Variants in MYO18B observed in about 807,000 individuals in gnomAD.
MYO18B encodes unconventional myosin-XVIIIb.
MYO18B carries 204 observed loss-of-function variants against 273.0 expected under a neutral mutation model. That is an observed-to-expected ratio of 0.75 (90% CI 0.67 to 0.84). MYO18B has a LOEUF of 0.84. Among genes scored for constraint, MYO18B ranks in the 40% least tolerant of loss-of-function variants. The probability of loss-of-function intolerance (pLI) is 0.00; values close to 1 mark genes in which losing one functional copy is unlikely to be tolerated. For synonymous variants in MYO18B, 1,330 were observed against 1,305.7 expected, an observed-to-expected ratio of 1.02 and a Z score of -0.40; for missense variants, 3,212 against 3,287.6, an observed-to-expected ratio of 0.98 and a Z score of 0.56.
intron 12 of MYO18B, among the ~76,000 whole-genome samples, chr22:25,801,098 A>G (rs2088172701): frequency 6.6e-6 from 1 of 152,242 alleles, no homozygotes; most frequent in African/African-American, 2.4e-5. Flanking sequence ...GTGTCATAAC[A>G]GATCATTTTG....
At chr22:25,784,916 C>G (rs8135105) in intron 10 of MYO18B, among the ~76,000 whole-genome samples, 80,161 of 152,064 alleles carry the variant, frequency 0.53, 22,115 homozygotes, top group East Asian at 0.61. Flanking sequence ...AGTCTGGGCT[C>G]GAGGGGCCAA....
chr22:25,988,376 G>C (rs2093224896), intron 39 of MYO18B, among the ~76,000 whole-genome samples: 1 of 152,124 alleles, frequency 6.6e-6, no homozygotes, highest in Admixed American at 6.5e-5. Context: ...TGCGCCCACT[G>C]AGTCTGATGC....
At chr22:25,833,198 A>G (rs1272937859) in intron 16 of MYO18B, among the ~76,000 whole-genome samples, 1 of 152,182 alleles carries the variant, frequency 6.6e-6, no homozygotes, top group Non-Finnish European at 1.5e-5. Flanking sequence ...GAACAGTGGA[A>G]ATTTAAGCAT....
chr22:26,006,556 G>GT (rs1934436350), intron 42 of MYO18B: 1 of 201,742 alleles, frequency 5.0e-6, no homozygotes, highest in Admixed American at 5.2e-5. Flanking sequence ...TAAAGTCAAC[G>GT]TTTTTAGAAC....
chr22:26,007,479 A>G (rs556159544), intron 42 of MYO18B, among the ~76,000 whole-genome samples: 3 of 152,306 alleles, frequency 2.0e-5, no homozygotes, highest in African/African-American at 7.2e-5. Context: ...CACCTGGTAA[A>G]GTTTACTGGA....
intron 1 of MYO18B, among the ~76,000 whole-genome samples, chr22:25,751,966 A>G (rs1463496576): frequency 1.3e-5 from 2 of 152,172 alleles, no homozygotes; most frequent in Non-Finnish European, 2.9e-5. Flanking sequence ...CTGCACGGCT[A>G]GGAAAACTGA....
chr22:25,878,048 G>A lies in MYO18B; in HGVS notation c.4314G>A (p.Lys1438=). The stretch of plus-strand genomic sequence containing the variant: ...AGAACACAGATCTGCTAGAAAGCAA[G>A]GTATCCCCATCCCTCCTCTTGGGTC... ...LRQNTDLLES[K]IADLTSDLAD... The change falls in exon 25 of 44, where the codon AAG becomes AAA. Residue 1438 remains lysine (K), a splice_region_variant and synonymous_variant. Coordinates refer to ENST00000335473, the MANE Select transcript of MYO18B (RefSeq NM_032608.7). 6.3e-7 allele frequency: 1 copy of A among 1,575,926 alleles called. No homozygotes were observed. The highest frequency in any genetic ancestry group is 8.6e-7 in the Non-Finnish European group (1 of 1,160,248).
At chr22:25,763,136 C>T (rs1206443338) in intron 2 of MYO18B, 95 bp from the exon 3 acceptor site, 40 of 1,455,900 alleles carry the variant, frequency 2.7e-5, no homozygotes, top group South Asian at 8.0e-5. Flanking sequence ...ATGTCTCCTC[C>T]GCCCCCTCCC....
intron 11 of MYO18B, among the ~76,000 whole-genome samples, chr22:25,789,573 C>T (rs181440627): frequency 3.5e-4 from 53 of 151,492 alleles, no homozygotes; most frequent in Admixed American, 5.9e-4. Context: ...GAGGCAGAGG[C>T]TGCAGTGAGC....
In MYO18B at chr22:26,027,326, C is replaced by G; in HGVS notation, c.7352C>G (p.Pro2451Arg). Residue 2451 changes from proline (P) to arginine (R), a missense_variant, in exon 43 of 44, where the codon CCC becomes CGC. Physicochemically the swap from Pro to Arg is moderately radical, Grantham distance 103. Transcript: ENST00000335473. The surrounding 1 kb of genome is among the most constrained non-coding windows in gnomAD (Gnocchi z 4.1). ...GACTTCCTCCCAGCTATCCGGAAGCCCCAGACACCTACCTCCTTGGCTGGA... is the reference window on the plus strand; with the variant it reads ...GACTTCCTCCCAGCTATCCGGAAGCGCCAGACACCTACCTCCTTGGCTGGA... Reference protein sequence around the residue: ...FDDFLPAIRKPQTPTSLAGSA... With the variant: ...FDDFLPAIRKRQTPTSLAGSA... 6.2e-7 allele frequency: 1 copy of G among 1,613,984 alleles called. No homozygotes were observed. Among genetic ancestry groups the G allele is most frequent in the Non-Finnish European group, 8.5e-7 (1 of 1,179,888 alleles).
intron 1 of MYO18B, among the ~76,000 whole-genome samples, chr22:25,757,685 C>G (rs912509084): frequency 3.3e-5 from 5 of 152,068 alleles, no homozygotes; most frequent in African/African-American, 1.2e-4. Flanking sequence ...GTCAGTGAAG[C>G]ACATTGCTCA....
Position 25,894,956 on chromosome 22 carries a change from C to G in MYO18B, c.4544-200C>G, listed in dbSNP as rs2091761390. On this transcript the variant is annotated intron_variant, in intron 27 of 43. Coordinates refer to ENST00000335473, the MANE Select transcript of MYO18B (RefSeq NM_032608.7). ...AGAACTTTAGACAGTTGGAGGTGGT[C>G]AGGACAGGCTGCCTGGAGGAAGCGT... The G allele has an allele frequency of 3.1e-5, 18 of 589,706 alleles. 1 individual carries two copies. The South Asian group carries it at 3.8e-4, about 12-fold the overall frequency. The allele number at this position is 589,706 out of a possible 1,614,324, so 36.5% of individuals were successfully genotyped here.
intron 14 of MYO18B, among the ~76,000 whole-genome samples, chr22:25,827,711 C>T (rs1369064231): frequency 6.6e-6 from 1 of 152,148 alleles, no homozygotes; most frequent in African/African-American, 2.4e-5. Context: ...GACATATTAT[C>T]TAGAAACCAA....
intron 1 of MYO18B, among the ~76,000 whole-genome samples, chr22:25,744,068 G>A (rs2085704997): frequency 6.6e-6 from 1 of 152,174 alleles, no homozygotes; most frequent in Non-Finnish European, 1.5e-5. Flanking sequence ...TTTCACTTGA[G>A]CTAACAAAAC....
intron 17 of MYO18B, among the ~76,000 whole-genome samples, chr22:25,838,899 ATATGTG>A (rs886681108): frequency 1.3e-5 from 2 of 151,718 alleles, no homozygotes; most frequent in African/African-American, 4.8e-5. Flanking sequence ...ATCTGTGTCT[ATATGTG>A]TATGTGTATA....
chr22:25,810,247 A>G (rs1056601541), intron 12 of MYO18B, among the ~76,000 whole-genome samples: 1 of 150,246 alleles, frequency 6.7e-6, no homozygotes, highest in African/African-American at 2.5e-5. Flanking sequence ...ACAGGCGCCC[A>G]CCACCATGCC....
intron 25 of MYO18B, among the ~76,000 whole-genome samples, chr22:25,884,404 C>T (rs192171221): frequency 1.7e-4 from 26 of 152,240 alleles, no homozygotes; most frequent in East Asian, 1.5e-3. Flanking sequence ...CCCTAATCCC[C>T]GGGGGAAATT....
In MYO18B at chr22:25,805,379, A is replaced by T. The variant is rs372099695; in HGVS notation, c.2521+7282A>T. Among the ~76,000 whole-genome samples the T allele has an allele frequency of 2.6e-5, 4 of 152,158 alleles. No individual in the cohort carries two copies. The East Asian group carries it at 5.8e-4, about 22-fold the overall frequency. On this transcript the variant is annotated intron_variant, in intron 12 of 43. Coordinates refer to ENST00000335473, the MANE Select transcript of MYO18B (RefSeq NM_032608.7). The stretch of plus-strand genomic sequence containing the variant: ...TGCAAAAAGGATGGTCAAAGGACAA[A>T]TGTTCCCTGTTTGGGGACTCTCAGG...
At chr22:25,745,995 C>G (rs990735523) in intron 1 of MYO18B, among the ~76,000 whole-genome samples, 2 of 152,152 alleles carry the variant, frequency 1.3e-5, no homozygotes, top group Non-Finnish European at 2.9e-5. Flanking sequence ...AGATTTGGAG[C>G]CTGGAGTGAC....
Sources: gnomAD v4.1 joint callset for allele counts (sites outside exome capture counted in the v4.1 genomes callset) on GRCh38, gnomAD v4.1.1 for gene constraint, Gnocchi (gnomAD v3.1) non-coding constraint, MANE v1.5 for transcripts, NCBI Gene and HGNC (gene_info 2026-07-23, HGNC 2026-07-21) for gene names.